Variants in CFAP44 observed in about 807,000 individuals in gnomAD.
CFAP44 encodes the protein cilia and flagella associated protein 44, also known as cilia- and flagella-associated protein 44.
CFAP44 carries 134 observed loss-of-function variants against 216.2 expected under a neutral mutation model. The observed-to-expected ratio is 0.62, with a 90% CI of 0.54 to 0.72. The LOEUF is 0.72. CFAP44 is among the 30% of genes least tolerant of loss of function. The probability of loss-of-function intolerance (pLI) is 0.00; values close to 1 mark genes in which losing one functional copy is unlikely to be tolerated. For missense variants in CFAP44, 2,035 were observed against 2,182.1 expected (o/e 0.93, Z 1.34); for synonymous variants, 700 against 727.6 (o/e 0.96, Z 0.61).
At chr3:113,349,060 C>A (rs1036875825) in intron 22 of CFAP44, among the ~76,000 whole-genome samples, 4 of 152,242 alleles carry the variant, frequency 2.6e-5, no homozygotes, top group Admixed American at 6.5e-5. Context: ...GGGACCTCGA[C>A]TCAGATCATG....
intron 22 of CFAP44, among the ~76,000 whole-genome samples, chr3:113,356,424 C>A (rs1195215527): frequency 6.6e-6 from 1 of 151,920 alleles, no homozygotes; most frequent in East Asian, 1.9e-4. Context: ...AGATGAAGAA[C>A]AAAGCTGGAG....
chr3:113,389,223 T>C (rs1576585215), intron 15 of CFAP44, among the ~76,000 whole-genome samples: 1 of 152,244 alleles, frequency 6.6e-6, no homozygotes, highest in Non-Finnish European at 1.5e-5. Context: ...AAAAGGAATT[T>C]TGGAAACTAC....
At chr3:113,366,421 G>T in intron 18 of CFAP44, 112 bp from the exon 19 acceptor site, 1 of 1,279,294 alleles carries the variant, frequency 7.8e-7, no homozygotes, top group Admixed American at 2.5e-5. Flanking sequence ...GGACTGAATT[G>T]TACACCCCTA....
chr3:113,328,695 T>TAAAAAAAAAAAAAAAAAAAAAAA (rs1950210721), intron 26 of CFAP44, among the ~76,000 whole-genome samples: 3 of 72,344 alleles, frequency 4.1e-5, no homozygotes, highest in Admixed American at 1.7e-4. Flanking sequence ...TTTAGAGAGC[T>TAAAAAAAAAAAAAAAAAAAAAAA]TAAAAAAAAA....
intron 22 of CFAP44, among the ~76,000 whole-genome samples, chr3:113,349,457 T>G (rs151225935): frequency 6.6e-6 from 1 of 152,160 alleles, no homozygotes; most frequent in African/African-American, 2.4e-5. Context: ...GGCTTAGTCA[T>G]GGCCCTCAGA....
At chr3:113,391,453 C>T (rs181874509) in intron 15 of CFAP44, among the ~76,000 whole-genome samples, 2 of 152,226 alleles carry the variant, frequency 1.3e-5, no homozygotes, top group African/African-American at 4.8e-5. Context: ...TTGAATAACA[C>T]CCCACAAGCA....
At chr3:113,427,438 TAAATC>T in intron 2 of CFAP44, 99 bp from the exon 3 acceptor site, 2 of 855,012 alleles carry the variant, frequency 2.3e-6, no homozygotes, top group Non-Finnish European at 3.5e-6. Flanking sequence ...ATAGATGTAA[TAAATC>T]TAATACATAC....
At chr3:113,377,087 T>C (rs1470855989) in intron 17 of CFAP44, among the ~76,000 whole-genome samples, 1 of 152,180 alleles carries the variant, frequency 6.6e-6, no homozygotes, top group African/African-American at 2.4e-5. Context: ...GGAAATTCCA[T>C]CTGCTTTTAT....
At chr3:113,343,436 G>A (rs1205428139) in intron 23 of CFAP44, among the ~76,000 whole-genome samples, 1 of 152,070 alleles carries the variant, frequency 6.6e-6, no homozygotes, top group Non-Finnish European at 1.5e-5. Flanking sequence ...TAAATAATAT[G>A]AGATATTTAT....
At chr3:113,333,153 T>C (rs6808878) in intron 25 of CFAP44, among the ~76,000 whole-genome samples, 14,176 of 152,170 alleles carry the variant, frequency 0.093, 888 homozygotes, top group African/African-American at 0.17. Context: ...CCCCCAGATA[T>C]ACTGTAAGTA....
intron 28 of CFAP44, among the ~76,000 whole-genome samples, chr3:113,321,045 A>C (rs1002884407): frequency 6.6e-6 from 1 of 152,174 alleles, no homozygotes; most frequent in African/African-American, 2.4e-5. Flanking sequence ...CTAATATCAA[A>C]ATTTTTTGGC....
chr3:113,392,839 T>C (rs1933881704), intron 15 of CFAP44, among the ~76,000 whole-genome samples: 1 of 152,166 alleles, frequency 6.6e-6, no homozygotes, highest in Non-Finnish European at 1.5e-5. Flanking sequence ...TTTAGATACC[T>C]CAAAATTGTC....
intron 6 of CFAP44, among the ~76,000 whole-genome samples, chr3:113,414,740 T>C (rs1442380149): frequency 6.6e-6 from 1 of 152,214 alleles, no homozygotes; most frequent in Non-Finnish European, 1.5e-5. Context: ...CGTTTTTCGA[T>C]GTGCTGCTGG....
At chr3:113,342,837 TAA>T (rs545239420) in intron 23 of CFAP44, among the ~76,000 whole-genome samples, 2 of 141,016 alleles carry the variant, frequency 1.4e-5, no homozygotes, top group Non-Finnish European at 1.6e-5. Flanking sequence ...TAAAAATACA[TAA>T]AAAAAAAAAA....
chr3:113,357,443 A>G (rs1950501539), intron 22 of CFAP44, among the ~76,000 whole-genome samples: 1 of 152,200 alleles, frequency 6.6e-6, no homozygotes, highest in African/African-American at 2.4e-5. Flanking sequence ...AGACACAGGG[A>G]GAACACTGAG....
intron 18 of CFAP44, among the ~76,000 whole-genome samples, chr3:113,371,602 T>G (rs544629034): frequency 2.0e-5 from 3 of 152,138 alleles, no homozygotes; most frequent in African/African-American, 7.2e-5. Flanking sequence ...AAGACTTAAA[T>G]GTAAGACCTA....
intron 17 of CFAP44, among the ~76,000 whole-genome samples, chr3:113,376,192 C>T (rs956885356): frequency 4.6e-5 from 7 of 151,980 alleles, no homozygotes; most frequent in Non-Finnish European, 8.8e-5. Context: ...TTAATAACGT[C>T]GAGGTTTTGG....
In CFAP44 at chr3:113,401,399, A is replaced by G. The variant is rs1934137955; in HGVS notation, c.1327-112T>C. On this transcript the variant is annotated intron_variant, in intron 10 of 34. Coordinates refer to ENST00000393845, the MANE Select transcript of CFAP44 (RefSeq NM_001164496.2). ...GGACAAGCAATAATATCAAAAGCTC[A>G]CATATATTTTAAAGTATAATTGAAA... 3 of 1,202,714 alleles carry G rather than the reference A, an allele frequency of 2.5e-6. No individual in the cohort carries two copies. The Admixed American group carries it at 8.5e-5, about 34-fold the overall frequency. The allele number at this position is 1,202,714 out of a possible 1,614,324, so 74.5% of individuals were successfully genotyped here.
At chr3:113,380,041 T>TTTA (rs990879349) in intron 16 of CFAP44, among the ~76,000 whole-genome samples, 2 of 152,160 alleles carry the variant, frequency 1.3e-5, no homozygotes, top group Admixed American at 1.3e-4. Flanking sequence ...TTAAATTTTA[T>TTTA]TTATTATTAT....
Sources: allele counts gnomAD v4.1 joint callset (sites outside exome capture counted in the v4.1 genomes callset), GRCh38; gene constraint gnomAD v4.1.1; transcripts MANE v1.5; gene names NCBI Gene and HGNC (gene_info 2026-07-23, HGNC 2026-07-21).